The following FCRL6 variants were observed in gnomAD, a reference collection of about 807,000 sequenced individuals.
FCRL6 encodes the protein Fc receptor like 6.
FCRL6 carries 50 observed loss-of-function variants against 49.1 expected under a neutral mutation model. The observed-to-expected ratio is 1.02, with a 90% CI of 0.81 to 1.29. The LOEUF is 1.29. Among genes scored for constraint, FCRL6 ranks in the 50% most tolerant of loss-of-function variants. FCRL6 has a pLI of 0.00. For missense variants in FCRL6, 571 were observed against 518.5 expected, an observed-to-expected ratio of 1.10 and a Z score of -0.98; for synonymous variants, 213 against 199.6, an observed-to-expected ratio of 1.07 and a Z score of -0.57.
intron 1 of FCRL6, 139 bp downstream of exon 1, chr1:159,802,594 G>A (rs151045383): frequency 1.2e-5 from 9 of 749,426 alleles, no homozygotes; most frequent in Non-Finnish European, 1.8e-5. Flanking sequence ...GTGCACCTGG[G>A]CATGCTTGGG....
In FCRL6 at chr1:159,811,786, G is replaced by A. The variant is rs151170238; in HGVS notation, c.1009+1570G>A. On this transcript the variant is annotated intron_variant, in intron 6 of 9. Transcript: ENST00000368106. ...GCCCAGAGCTATTGGGGAGGCAGCCGGAGTAGGGAACCACAAACCAAAGAT... is the reference window on the plus strand; with the variant it reads ...GCCCAGAGCTATTGGGGAGGCAGCCAGAGTAGGGAACCACAAACCAAAGAT... Among the ~76,000 whole-genome samples, 38 of 152,276 alleles carry A rather than the reference G, an allele frequency of 2.5e-4. No individual in the cohort carries two copies. In the East Asian group the frequency reaches 3.3e-3, roughly 13 times the overall value.
At chr1:159,814,318 T>C in intron 8 of FCRL6, 26 bp downstream of exon 8, 1 of 1,602,148 alleles carries the variant, frequency 6.2e-7, no homozygotes, top group South Asian at 1.1e-5. Flanking sequence ...CCAAACTTGG[T>C]ACCTTTGCAA....
At chr1:159,803,857 T>A (rs868258015) in intron 1 of FCRL6, among the ~76,000 whole-genome samples, 2 of 152,266 alleles carry the variant, frequency 1.3e-5, no homozygotes, top group Non-Finnish European at 1.5e-5. Flanking sequence ...ACACTGGGGC[T>A]GGGTGTGTAG....
intron 1 of FCRL6, among the ~76,000 whole-genome samples, chr1:159,802,766 A>G (rs1016179057): frequency 6.6e-6 from 1 of 152,232 alleles, no homozygotes; most frequent in African/African-American, 2.4e-5. Context: ...ACCTTGTGAC[A>G]TCAGGTTAAA....
chr1:159,801,011 C>G (rs1662302018), upstream of FCRL6, among the ~76,000 whole-genome samples: 1 of 152,024 alleles, frequency 6.6e-6, no homozygotes, highest in Non-Finnish European at 1.5e-5. Context: ...GAGCAAGACT[C>G]CTTCTCAATA....
At chr1:159,809,740 C>T in intron 5 of FCRL6, 57 bp downstream of exon 5, 1 of 1,494,344 alleles carries the variant, frequency 6.7e-7, no homozygotes, top group Non-Finnish European at 9.2e-7. Context: ...GGGGTCAGAT[C>T]TCACCCTCTG....
At chr1:159,813,421 C>A in intron 6 of FCRL6, 68 bp from the exon 7 acceptor site, 1 of 1,408,474 alleles carries the variant, frequency 7.1e-7, no homozygotes, top group Non-Finnish European at 1.0e-6. Flanking sequence ...TTGCTCACAG[C>A]TTTCCTGTCC....
At chr1:159,806,387 T>G (rs1467614700) in intron 1 of FCRL6, among the ~76,000 whole-genome samples, 1 of 151,206 alleles carries the variant, frequency 6.6e-6, no homozygotes, top group Admixed American at 6.6e-5. Context: ...GATGGTTGGG[T>G]GGTTGGATGG....
upstream of FCRL6, chr1:159,800,618 G>A (rs1376548408): frequency 1.3e-6 from 2 of 1,549,344 alleles, no homozygotes; most frequent in African/African-American, 2.7e-5. Context: ...CTTTAGGTGA[G>A]TGGACAAGAT....
chr1:159,804,000 C>T (rs1197243302), intron 1 of FCRL6, among the ~76,000 whole-genome samples: 1 of 152,154 alleles, frequency 6.6e-6, no homozygotes, highest in Non-Finnish European at 1.5e-5. Context: ...TGACATTGAG[C>T]ATGTGGGGAC....
At chr1:159,805,420 G>A (rs143632555) in intron 1 of FCRL6, among the ~76,000 whole-genome samples, 2,606 of 152,136 alleles carry the variant, frequency 0.017, 37 homozygotes, top group South Asian at 0.047. Context: ...CAGGACACAA[G>A]TAAATGTATG....
At position 159,813,461 on chromosome 1, in the gene FCRL6, C is replaced by G. The variant is rs200877573; in HGVS notation, c.1010-28C>G. ...TCCCACCTGCCCTCTAAGGGACACC[C>G]AGTGAATCATGCCCTTGTATCTCCT... is the stretch of plus-strand genomic sequence containing the variant. On this transcript the variant is annotated intron_variant, in intron 6 of 9. Coordinates refer to ENST00000368106, the MANE Select transcript of FCRL6 (RefSeq NM_001004310.3). The G allele has an allele frequency of 3.9e-5, 62 of 1,602,448 alleles. No homozygotes were observed. In the African/African-American group the frequency reaches 7.1e-4, roughly 18 times the overall value.
chr1:159,814,554 G>A (rs945173923), intron 8 of FCRL6, among the ~76,000 whole-genome samples: 4 of 152,018 alleles, frequency 2.6e-5, no homozygotes, highest in African/African-American at 9.7e-5. Flanking sequence ...ACACCACTAT[G>A]ACCACTATAT....
At chr1:159,813,022 G>A (rs1663175714) in intron 6 of FCRL6, among the ~76,000 whole-genome samples, 1 of 152,204 alleles carries the variant, frequency 6.6e-6, no homozygotes, top group African/African-American at 2.4e-5. Flanking sequence ...ACCTTTGCAA[G>A]ATGGTTGTGA....
intron 1 of FCRL6, among the ~76,000 whole-genome samples, chr1:159,804,943 T>A (rs796522077): frequency 9.8e-5 from 15 of 152,360 alleles, no homozygotes; most frequent in Admixed American, 3.3e-4. Context: ...TGGGTCAACA[T>A]AACCTTCACA....
chr1:159,806,515 C>A, intron 1 of FCRL6, 81 bp from the exon 2 acceptor site: 1 of 1,253,866 alleles, frequency 8.0e-7, no homozygotes, highest in Non-Finnish European at 1.2e-6. Flanking sequence ...GTGTAAGTCC[C>A]CATTGCTGAA....
intron 1 of FCRL6, 47 bp from the exon 2 acceptor site, chr1:159,806,549 G>T: frequency 6.3e-7 from 1 of 1,576,340 alleles, no homozygotes; most frequent in Middle Eastern, 1.7e-4. Flanking sequence ...TTGTCAGAAA[G>T]CTCTTTTTGC....
Position 159,814,311 on chromosome 1 carries a change from A to T in FCRL6, c.1147+19A>T. 1 of 1,608,940 alleles carries T rather than the reference A, an allele frequency of 6.2e-7. No individual in the cohort carries two copies. The highest frequency in any genetic ancestry group is 8.5e-7 in the Non-Finnish European group (1 of 1,175,290). On this transcript the variant is annotated intron_variant, in intron 8 of 9. Transcript: ENST00000368106. Reference sequence around the variant, plus strand: ...AGTGAAGGTGAGTGATCTCAGGCCAAACTTGGTACCTTTGCAAACAGAAGT... The same window carrying T: ...AGTGAAGGTGAGTGATCTCAGGCCATACTTGGTACCTTTGCAAACAGAAGT...
At chr1:159,802,304 A>T, upstream of FCRL6, 1 of 977,184 alleles carries the variant, frequency 1.0e-6, no homozygotes, top group Non-Finnish European at 1.6e-6. Context: ...CTATCAAGCT[A>T]TAGCACCACC....
Sources: allele counts gnomAD v4.1 joint callset (sites outside exome capture counted in the v4.1 genomes callset), GRCh38; gene constraint gnomAD v4.1.1; transcripts MANE v1.5; gene names NCBI Gene and HGNC (gene_info 2026-07-23, HGNC 2026-07-21).